Variants in JADE3 observed in about 807,000 individuals in gnomAD.
JADE3 encodes jade family PHD finger 3, also known as protein Jade-3.
Under a neutral mutation model 50.1 loss-of-function variants are expected in JADE3, and 2 were observed. The ratio of observed to expected loss-of-function variants is 0.04; its 90% confidence interval spans 0.02 to 0.13. The LOEUF (loss-of-function observed/expected upper bound fraction) is 0.13. Ranked by LOEUF, JADE3 falls within the 10% of genes least tolerant of loss-of-function variation. The pLI, the probability that JADE3 is intolerant of heterozygous loss-of-function variation, is 1.00. For synonymous variants in JADE3, 218 were observed against 232.9 expected (o/e 0.94, Z 0.58); for missense variants, 475 against 634.4 (o/e 0.75, Z 2.70).
chrX:46,997,707 T>C (rs191917133), intron 3 of JADE3, among the ~76,000 whole-genome samples: 2 of 112,447 alleles, frequency 1.8e-5, no homozygotes, highest in African/African-American at 6.4e-5. Context: ...GAAACTTTAC[T>C]ATTTGATAAC....
intron 1 of JADE3, among the ~76,000 whole-genome samples, chrX:46,959,243 G>C (rs781831080): frequency 2.1e-4 from 24 of 112,344 alleles, no homozygotes; most frequent in Non-Finnish European, 3.9e-4. Context: ...CTGTGATTTA[G>C]TTTCACTCTC....
In JADE3 at chrX:46,997,474, C is replaced by T. The variant is rs183133571; in HGVS notation, c.127-646C>T. Among the ~76,000 whole-genome samples the T allele has an allele frequency of 3.1e-3, 351 of 111,927 alleles. 1 individual carries two copies. Among genetic ancestry groups the T allele is most frequent in the Non-Finnish European group, 4.9e-3 (258 of 53,189 alleles). ...CAGAGGTTGCAGTGAGCCAAAGTCACGCTATCGCACTCCAGCCTAGGTAAC... is the reference window on the plus strand; with the variant it reads ...CAGAGGTTGCAGTGAGCCAAAGTCATGCTATCGCACTCCAGCCTAGGTAAC... On this transcript the variant is annotated intron_variant, in intron 3 of 10. Transcript: ENST00000614628.
intron 1 of JADE3, among the ~76,000 whole-genome samples, chrX:46,953,629 T>G (rs1239056142): frequency 4.5e-5 from 5 of 111,989 alleles, no homozygotes; most frequent in Admixed American, 3.8e-4. Context: ...AAATAATAGT[T>G]TCAGATATGT....
chrX:47,050,203 G>A (rs782661023), intron 8 of JADE3, among the ~76,000 whole-genome samples: 22 of 111,476 alleles, frequency 2.0e-4, no homozygotes, highest in Non-Finnish European at 3.2e-4. Flanking sequence ...CAAGGTGCTG[G>A]GATTATAGGC....
intron 1 of JADE3, among the ~76,000 whole-genome samples, chrX:46,920,106 T>G (rs186395805): frequency 2.7e-5 from 3 of 111,554 alleles, no homozygotes; most frequent in Admixed American, 9.6e-5. Context: ...TTTTAAGCAA[T>G]GTGAATATAT....
intron 2 of JADE3, 36 bp from the exon 3 acceptor site, chrX:46,985,677 T>C: frequency 1.1e-6 from 1 of 875,488 alleles, no homozygotes; most frequent in South Asian, 2.1e-5. Context: ...TAATAGGTAA[T>C]GTGTCTCAGT....
At chrX:46,942,282 T>C (rs1265681249) in intron 1 of JADE3, among the ~76,000 whole-genome samples, 1 of 111,916 alleles carries the variant, frequency 8.9e-6, no homozygotes, top group Non-Finnish European at 1.9e-5. Flanking sequence ...ATAAATTCTT[T>C]GGCAAGGCTG....
intron 6 of JADE3, among the ~76,000 whole-genome samples, chrX:47,031,064 G>A (rs1464806172): frequency 9.1e-6 from 1 of 109,674 alleles, no homozygotes; most frequent in East Asian, 2.8e-4. Flanking sequence ...AAAAAAAAAT[G>A]TGAAAGTTAG....
At chrX:46,940,986 A>G (rs1926739452) in intron 1 of JADE3, among the ~76,000 whole-genome samples, 1 of 111,046 alleles carries the variant, frequency 9.0e-6, no homozygotes, top group Non-Finnish European at 1.9e-5. Context: ...CAGGTCTGTC[A>G]CGTGGGTTTG....
At chrX:46,991,847 C>T (rs1556356073) in intron 3 of JADE3, among the ~76,000 whole-genome samples, 3 of 111,421 alleles carry the variant, frequency 2.7e-5, no homozygotes, top group Non-Finnish European at 5.7e-5. Context: ...GTTATTATCC[C>T]TGGAGTCTTT....
chrX:46,925,079 T>C (rs1390015984), intron 1 of JADE3, among the ~76,000 whole-genome samples: 5 of 111,908 alleles, frequency 4.5e-5, no homozygotes, highest in African/African-American at 1.6e-4. Flanking sequence ...ACTTGCACAG[T>C]ATCTCCATTT....
intron 1 of JADE3, among the ~76,000 whole-genome samples, chrX:46,976,031 A>G (rs1352351175): frequency 9.0e-6 from 1 of 110,710 alleles, no homozygotes; most frequent in Admixed American, 9.7e-5. Flanking sequence ...CCCAGCCTGT[A>G]TTAATTTTCA....
chrX:46,952,979 C>T (rs1238326373), intron 1 of JADE3, among the ~76,000 whole-genome samples: 106 of 107,964 alleles, frequency 9.8e-4, no homozygotes, highest in Non-Finnish European at 1.8e-3. Context: ...GGTGACAGAG[C>T]GAGACTGTCT....
intron 7 of JADE3, among the ~76,000 whole-genome samples, chrX:47,034,426 A>C (rs1260658768): frequency 1.8e-5 from 2 of 110,873 alleles, no homozygotes; most frequent in African/African-American, 6.6e-5. Context: ...GTTGTGGTGT[A>C]TATCAATAGT....
At chrX:46,978,249 G>A (rs1009722206) in intron 1 of JADE3, among the ~76,000 whole-genome samples, 2 of 112,032 alleles carry the variant, frequency 1.8e-5, no homozygotes, top group African/African-American at 3.2e-5. Context: ...TTTAAAGAAA[G>A]TTTATGAATG....
intron 1 of JADE3, among the ~76,000 whole-genome samples, chrX:46,944,605 G>A (rs1295377852): frequency 9.0e-6 from 1 of 110,685 alleles, no homozygotes; most frequent in Non-Finnish European, 1.9e-5. Context: ...ACCACGCCTG[G>A]CCTTTTCTCA....
intron 4 of JADE3, among the ~76,000 whole-genome samples, chrX:47,000,938 G>T (rs1928268794): frequency 8.9e-6 from 1 of 111,934 alleles, no homozygotes; most frequent in South Asian, 3.7e-4. Context: ...TGTGGCTTCA[G>T]TGCTCTATTA....
intron 7 of JADE3, 29 bp downstream of exon 7, chrX:47,033,817 A>G (rs1556367291): frequency 1.8e-6 from 2 of 1,119,875 alleles, no homozygotes; most frequent in Admixed American, 2.8e-5. Context: ...CCGTGAGACC[A>G]TTTGCTCCAG....
chrX:47,013,345 A>G (rs1928602960), intron 4 of JADE3, among the ~76,000 whole-genome samples: 1 of 112,081 alleles, frequency 8.9e-6, no homozygotes, highest in Non-Finnish European at 1.9e-5. Context: ...TGTTTCACAG[A>G]TCTACCAAAG....
Sources: allele counts gnomAD v4.1 joint callset (sites outside exome capture counted in the v4.1 genomes callset), GRCh38; gene constraint gnomAD v4.1.1; transcripts MANE v1.5; gene names NCBI Gene and HGNC (gene_info 2026-07-23, HGNC 2026-07-21).